CSNK2A2: variants seen among roughly 807,000 people sequenced by gnomAD.
The protein encoded by CSNK2A2 is casein kinase II subunit alpha'.
In CSNK2A2, 8 loss-of-function variants were observed where a neutral mutation model predicts 54.0. That is an observed-to-expected ratio of 0.15 (90% CI 0.09 to 0.27). The LOEUF is 0.27. Ranked by LOEUF, CSNK2A2 falls within the 10% of genes least tolerant of loss-of-function variation. The pLI, the probability that CSNK2A2 is intolerant of heterozygous loss-of-function variation, is 1.00. For missense variants in CSNK2A2, 242 were observed against 439.4 expected, an observed-to-expected ratio of 0.55 and a Z score of 4.02; for synonymous variants, 141 against 153.9, an observed-to-expected ratio of 0.92 and a Z score of 0.62.
chr16:58,164,233 G>T, intron 10 of CSNK2A2, 86 bp from the exon 11 acceptor site: 1 of 1,278,420 alleles, frequency 7.8e-7, no homozygotes. Flanking sequence ...TCAACGGAAA[G>T]AGAGACAGAC....
intron 2 of CSNK2A2, among the ~76,000 whole-genome samples, chr16:58,191,600 T>C (rs921709824): frequency 4.6e-5 from 7 of 152,072 alleles, no homozygotes; most frequent in Non-Finnish European, 7.4e-5. Flanking sequence ...TGACGTCAGG[T>C]GATCTGCCCA....
In CSNK2A2 at chr16:58,167,228, A is replaced by G. The variant is rs779665616; in HGVS notation, c.705T>C (p.His235=). 6 of 1,613,560 alleles carry G rather than the reference A, an allele frequency of 3.7e-6. No homozygotes were observed. The highest frequency in any genetic ancestry group is 1.7e-5 in the Admixed American group (1 of 59,896). The change falls in exon 8 of 12, where the codon CAT becomes CAC. Residue 235 remains histidine (H), a synonymous_variant. Transcript: ENST00000262506. The stretch of plus-strand genomic sequence containing the variant: ...TCACCTGGTCATAGTTGTCCTGTCC[A>G]TGGAAGAATGGTTCCCTTCGAAAGA... ...SMIFRREPFF[H]GQDNYDQLVR...
At chr16:58,196,880 T>G in intron 1 of CSNK2A2, 36 bp from the exon 2 acceptor site, 1 of 1,390,390 alleles carries the variant, frequency 7.2e-7, no homozygotes, top group Non-Finnish European at 1.0e-6. Context: ...ATGCCAGGAC[T>G]GGGGGTTAAC....
In CSNK2A2 at chr16:58,197,683, A is replaced by C. The variant is rs576968089; in HGVS notation, c.54T>G (p.Ser18Arg). 1 of 1,572,566 alleles carries C rather than the reference A, an allele frequency of 6.4e-7. No individual in the cohort carries two copies. The highest frequency in any genetic ancestry group is 1.4e-5 in the African/African-American group (1 of 70,230). The change falls in exon 1 of 12, where the codon AGT becomes AGG. Residue 18 changes from serine to arginine, a missense_variant. Ser to Arg is a moderately radical substitution (Grantham distance 110). Around this residue, in one of 5 missense-constraint regions of CSNK2A2, gnomAD observed 48 missense variants for 55.4 expected, o/e 0.87. Transcript: ENST00000262506. The surrounding 1 kb of genome is among the most constrained non-coding windows in gnomAD (Gnocchi z 4.0). ...SRARVYAEVN[S>R]LRSREYWDYE... is the part of the protein sequence containing the mutation. The stretch of plus-strand genomic sequence containing the variant: ...AGTCCCAGTACTCGCGGCTCCTCAG[A>C]CTGTTCACCTCGGCGTAGACCCGGG...
chr16:58,191,262 C>T (rs1597125333), intron 2 of CSNK2A2, among the ~76,000 whole-genome samples: 1 of 152,120 alleles, frequency 6.6e-6, no homozygotes, highest in East Asian at 1.9e-4. Flanking sequence ...TTCCATTTTA[C>T]AAGATGAAGA....
chr16:58,195,343 T>A (rs1284679366), intron 2 of CSNK2A2, among the ~76,000 whole-genome samples: 3 of 152,208 alleles, frequency 2.0e-5, no homozygotes, highest in Non-Finnish European at 4.4e-5. Context: ...TTCTGCTCCT[T>A]TATCACTAGG....
intron 9 of CSNK2A2, among the ~76,000 whole-genome samples, chr16:58,165,924 CTA>C (rs1303124516): frequency 1.3e-5 from 2 of 152,302 alleles, no homozygotes; most frequent in African/African-American, 2.4e-5. Flanking sequence ...GGTAAAACTT[CTA>C]TATCTCATTT....
intron 8 of CSNK2A2, 113 bp from the exon 9 acceptor site, chr16:58,166,797 G>C: frequency 1.4e-6 from 1 of 740,482 alleles, no homozygotes; most frequent in South Asian, 1.7e-5. Context: ...CTCTAGGAAC[G>C]AGATACAAAC....
chr16:58,167,042 C>T (rs1193860967), intron 8 of CSNK2A2, among the ~76,000 whole-genome samples, 165 bp downstream of exon 8: 3 of 152,190 alleles, frequency 2.0e-5, no homozygotes, highest in East Asian at 1.9e-4. Context: ...TCTACTTCTG[C>T]GGACCTGGTA....
At chr16:58,182,395 A>AAC (rs1555506378) in intron 4 of CSNK2A2, among the ~76,000 whole-genome samples, 4 of 146,560 alleles carry the variant, frequency 2.7e-5, no homozygotes, top group African/African-American at 1.0e-4. Context: ...AAAAAAAAAA[A>AAC]AAAAAAAAAA....
intron 5 of CSNK2A2, among the ~76,000 whole-genome samples, chr16:58,171,980 T>TATATATA (rs1555505772): frequency 0.029 from 1,067 of 36,316 alleles, 2 homozygotes; most frequent in Middle Eastern, 0.068. Flanking sequence ...TATATATATA[T>TATATATA]TTTTTTTTTT....
chr16:58,162,261 C>T (rs1241309208), intron 11 of CSNK2A2: 3 of 152,180 alleles, frequency 2.0e-5, no homozygotes, highest in Non-Finnish European at 4.4e-5. Flanking sequence ...CCTGACATAT[C>T]AATACAGGTT....
intron 7 of CSNK2A2, 144 bp downstream of exon 7, chr16:58,167,541 T>C: frequency 3.0e-6 from 2 of 659,466 alleles, no homozygotes; most frequent in Non-Finnish European, 5.1e-6. Flanking sequence ...CCCAAAAAAC[T>C]AGCTGAGAAA....
Position 58,197,638 on chromosome 16 carries a change from G to T in CSNK2A2, c.99C>A (p.Ser33Arg). The T allele has an allele frequency of 6.4e-7, 1 of 1,569,230 alleles. No individual in the cohort carries two copies. Among genetic ancestry groups the T allele is most frequent in the Admixed American group, 1.8e-5 (1 of 56,244 alleles). ...EYWDYEAHVP[S>R]WGNQDDYQLV... Reference sequence around the variant, plus strand: ...GGGGGCGGCGACGGCTTTACCCCCAGCTCGGGACGTGAGCCTCGTAGTCCC... The same window carrying T: ...GGGGGCGGCGACGGCTTTACCCCCATCTCGGGACGTGAGCCTCGTAGTCCC... Residue 33 changes from serine to arginine, a missense_variant, in exon 1 of 12, where the codon AGC becomes AGA. This residue lies in a region of CSNK2A2 where 48 missense variants were observed against 55.4 expected (regional missense o/e 0.87). Transcript: ENST00000262506. The surrounding 1 kb of genome is among the most constrained non-coding windows in gnomAD (Gnocchi z 4.0).
chr16:58,193,834 A>G (rs1168254453), intron 2 of CSNK2A2, among the ~76,000 whole-genome samples: 1 of 152,180 alleles, frequency 6.6e-6, no homozygotes, highest in Non-Finnish European at 1.5e-5. Context: ...CCTCAAAACA[A>G]TTTGTCAAAA....
At position 58,197,679 on chromosome 16, in the gene CSNK2A2, T is replaced by C; in HGVS notation, c.58A>G (p.Arg20Gly). Residue 20 changes from arginine (R) to glycine (G), a missense_variant, in exon 1 of 12, where the codon AGG becomes GGG. Transcript: ENST00000262506. The surrounding 1 kb of genome is among the most constrained non-coding windows in gnomAD (Gnocchi z 4.0). ...TCGTAGTCCCAGTACTCGCGGCTCC[T>C]CAGACTGTTCACCTCGGCGTAGACC... ...ARVYAEVNSL[R>G]SREYWDYEAH... The C allele has an allele frequency of 6.4e-7, 1 of 1,573,566 alleles. No individual in the cohort carries two copies.
intron 4 of CSNK2A2, among the ~76,000 whole-genome samples, chr16:58,181,169 G>C (rs147933706): frequency 6.6e-6 from 1 of 152,270 alleles, no homozygotes; most frequent in East Asian, 1.9e-4. Flanking sequence ...AGATTAAATC[G>C]TAAGAACTAA....
At chr16:58,165,951 C>G (rs1306946701) in intron 9 of CSNK2A2, among the ~76,000 whole-genome samples, 1 of 152,084 alleles carries the variant, frequency 6.6e-6, no homozygotes, top group Non-Finnish European at 1.5e-5. Context: ...TATGTGGAAC[C>G]TTTCTAGATT....
intron 3 of CSNK2A2, among the ~76,000 whole-genome samples, chr16:58,184,803 A>C (rs1435223149): frequency 6.6e-6 from 1 of 152,206 alleles, no homozygotes; most frequent in Non-Finnish European, 1.5e-5. Context: ...TGCACTTGAC[A>C]GAATTATCAT....
Sources: allele counts gnomAD v4.1 joint callset (sites outside exome capture counted in the v4.1 genomes callset), GRCh38; gene constraint gnomAD v4.1.1; regional missense constraint gnomAD v4.1.1; non-coding constraint Gnocchi (gnomAD v3.1); transcripts MANE v1.5; gene names NCBI Gene and HGNC (gene_info 2026-07-23, HGNC 2026-07-21).